ZFAND3: variants seen among roughly 807,000 people sequenced by gnomAD.
ZFAND3 encodes AN1-type zinc finger protein 3.
A neutral mutation model predicts 29.6 loss-of-function variants in ZFAND3; 10 were observed. The observed-to-expected ratio is 0.34, with a 90% CI of 0.21 to 0.57. ZFAND3 has a LOEUF of 0.57. Ranked by LOEUF, ZFAND3 falls within the 20% of genes least tolerant of loss-of-function variation. The pLI, the probability that ZFAND3 is intolerant of heterozygous loss-of-function variation, is 0.86. For synonymous variants in ZFAND3, 128 were observed against 112.6 expected, an observed-to-expected ratio of 1.14 and a Z score of -0.87; for missense variants, 230 against 304.5, an observed-to-expected ratio of 0.76 and a Z score of 1.82.
In ZFAND3 at chr6:38,001,912, C is replaced by G. The variant is rs149985379; in HGVS notation, c.113-59681C>G. Reference sequence around the variant, plus strand: ...TTATCTTTTCTTTTTGTCTTTTAGTCTTTTCTTTTAGTCTAAATATTGATA... The same window carrying G: ...TTATCTTTTCTTTTTGTCTTTTAGTGTTTTCTTTTAGTCTAAATATTGATA... On this transcript the variant is annotated intron_variant, in intron 2 of 5. Coordinates refer to ENST00000287218, the MANE Select transcript of ZFAND3 (RefSeq NM_021943.3). Among the ~76,000 whole-genome samples the G allele has an allele frequency of 1.3e-4, 19 of 151,858 alleles. No homozygotes were observed. In the East Asian group the frequency reaches 2.4e-3, roughly 19 times the overall value.
At chr6:38,047,314 CA>C (rs758026895) in intron 2 of ZFAND3, among the ~76,000 whole-genome samples, 258 of 111,498 alleles carry the variant, frequency 2.3e-3, no homozygotes, top group Non-Finnish European at 1.8e-3. Context: ...GACTCTGTCT[CA>C]AAAAAAAAAA....
At chr6:37,949,797 C>T (rs1242576777) in intron 2 of ZFAND3, among the ~76,000 whole-genome samples, 1 of 152,162 alleles carries the variant, frequency 6.6e-6, no homozygotes, top group Non-Finnish European at 1.5e-5. Context: ...ATGGGGTGCA[C>T]GACCCTCCCT....
At chr6:38,090,488 G>A (rs1466999243) in intron 4 of ZFAND3, among the ~76,000 whole-genome samples, 1 of 152,110 alleles carries the variant, frequency 6.6e-6, no homozygotes, top group African/African-American at 2.4e-5. Context: ...CCTGGGGCAG[G>A]GGACAAAAGG....
intron 1 of ZFAND3, among the ~76,000 whole-genome samples, chr6:37,919,112 C>T (rs1397534194): frequency 6.6e-6 from 1 of 152,040 alleles, no homozygotes; most frequent in Non-Finnish European, 1.5e-5. Context: ...CGCTACCACG[C>T]CCAGCTAATT....
chr6:37,828,773 C>T (rs1763804502), intron 1 of ZFAND3, among the ~76,000 whole-genome samples: 1 of 152,104 alleles, frequency 6.6e-6, no homozygotes, highest in Non-Finnish European at 1.5e-5. Flanking sequence ...GCCTCAGCCT[C>T]CCGAGTAGCT....
chr6:38,032,588 T>C (rs185793687), intron 2 of ZFAND3, among the ~76,000 whole-genome samples: 107 of 152,284 alleles, frequency 7.0e-4, no homozygotes, highest in African/African-American at 1.8e-3. Context: ...TTGGGAAAGG[T>C]AGAGGTCTAA....
At chr6:38,038,171 T>C (rs1763694686) in intron 2 of ZFAND3, among the ~76,000 whole-genome samples, 7 of 152,150 alleles carry the variant, frequency 4.6e-5, no homozygotes, top group Admixed American at 4.6e-4. Flanking sequence ...TCACATCTTC[T>C]CCTGTCCTTC....
intron 1 of ZFAND3, among the ~76,000 whole-genome samples, chr6:37,881,992 CT>C (rs1764905400): frequency 6.6e-6 from 1 of 152,106 alleles, no homozygotes; most frequent in African/African-American, 2.4e-5. Flanking sequence ...CAATTTTGTT[CT>C]TTTCACTTCT....
At chr6:37,972,821 A>T (rs1321917530) in intron 2 of ZFAND3, among the ~76,000 whole-genome samples, 1 of 151,820 alleles carries the variant, frequency 6.6e-6, no homozygotes, top group Non-Finnish European at 1.5e-5. Context: ...ATTAGAGTAG[A>T]TTTATTTATT....
chr6:38,104,205 CT>C (rs749642980), intron 4 of ZFAND3, among the ~76,000 whole-genome samples: 8 of 152,148 alleles, frequency 5.3e-5, no homozygotes, highest in Non-Finnish European at 1.0e-4. Flanking sequence ...GGAAATGGCA[CT>C]TAACAAACAG....
intron 2 of ZFAND3, 40 bp from the exon 3 acceptor site, chr6:38,061,553 G>A (rs1273579358): frequency 6.2e-7 from 1 of 1,610,194 alleles, no homozygotes; most frequent in Non-Finnish European, 8.5e-7. Flanking sequence ...CTCAGAGACT[G>A]TGAACTCCTT....
At position 38,152,367 on chromosome 6, in the gene ZFAND3, G is replaced by A. The variant is rs749426750; in HGVS notation, c.662G>A (p.Arg221His). The part of the protein sequence containing the change: ...LDRKVGRSCQ[R>H]IGEGCS The stretch of plus-strand genomic sequence containing the variant: ...CGGAAAGTGGGGCGCTCCTGCCAGC[G>A]CATCGGGGAGGGGTGCTCCTGAAGG... Residue 221 changes from arginine to histidine, a missense_variant, in exon 6 of 6, where the codon CGC (arginine) becomes CAC (histidine). Physicochemically the swap from Arg to His is conservative, Grantham distance 29. Around this residue, in one of 2 missense-constraint regions of ZFAND3, gnomAD observed 50 missense variants for 102.0 expected, o/e 0.49. Coordinates refer to ENST00000287218, the MANE Select transcript of ZFAND3 (RefSeq NM_021943.3). The A allele has an allele frequency of 6.3e-7, 1 of 1,599,268 alleles. No individual in the cohort carries two copies. The highest frequency in any genetic ancestry group is 8.5e-7 in the Non-Finnish European group (1 of 1,173,314).
intron 4 of ZFAND3, among the ~76,000 whole-genome samples, chr6:38,108,394 T>A (rs998868286): frequency 6.6e-6 from 1 of 152,138 alleles, no homozygotes; most frequent in Admixed American, 6.5e-5. Flanking sequence ...TTCCGTAAGC[T>A]GGGGAATAGA....
At chr6:37,888,528 T>A (rs1367490572) in intron 1 of ZFAND3, among the ~76,000 whole-genome samples, 1 of 152,236 alleles carries the variant, frequency 6.6e-6, no homozygotes, top group Non-Finnish European at 1.5e-5. Context: ...TGAAATTATA[T>A]ATGCATTGGC....
intron 5 of ZFAND3, among the ~76,000 whole-genome samples, chr6:38,141,734 G>A (rs1490307919): frequency 6.6e-6 from 1 of 152,184 alleles, no homozygotes; most frequent in African/African-American, 2.4e-5. Context: ...GTAAAAGCAA[G>A]TGGGGCAGAA....
chr6:37,864,653 A>G (rs768886077), intron 1 of ZFAND3, among the ~76,000 whole-genome samples: 77 of 152,044 alleles, frequency 5.1e-4, no homozygotes, highest in Non-Finnish European at 8.2e-4. Context: ...AAAAAAATAT[A>G]TGTATGTGTG....
rs550365148 is a variant in ZFAND3, at chr6:38,046,201, A to G, written c.113-15392A>G. Among the ~76,000 whole-genome samples, 10 of 152,320 alleles carry G rather than the reference A, an allele frequency of 6.6e-5. No homozygotes were observed. The South Asian group carries it at 2.1e-3, about 32-fold the overall frequency. On this transcript the variant is annotated intron_variant, in intron 2 of 5. Coordinates refer to ENST00000287218, the MANE Select transcript of ZFAND3 (RefSeq NM_021943.3). ...TTGCCTAAATGAGAAAAAAAATTATAAAGGATTTTTGATCTATAAGACTTC... is the reference window on the plus strand; with the variant it reads ...TTGCCTAAATGAGAAAAAAAATTATGAAGGATTTTTGATCTATAAGACTTC...
chr6:37,888,625 T>C (rs1703628674), intron 1 of ZFAND3, among the ~76,000 whole-genome samples: 1 of 152,180 alleles, frequency 6.6e-6, no homozygotes, highest in Non-Finnish European at 1.5e-5. Context: ...ATTTTCCAGA[T>C]CACATTAGTT....
At chr6:37,840,665 G>A (rs1282041410) in intron 1 of ZFAND3, among the ~76,000 whole-genome samples, 3 of 152,154 alleles carry the variant, frequency 2.0e-5, no homozygotes, top group Admixed American at 6.6e-5. Context: ...GATGAATTTG[G>A]GGAATGTCTC....
Sources: gnomAD v4.1 joint callset for allele counts (sites outside exome capture counted in the v4.1 genomes callset) on GRCh38, gnomAD v4.1.1 for gene constraint, gnomAD v4.1.1 regional missense constraint, MANE v1.5 for transcripts, NCBI Gene and HGNC (gene_info 2026-07-23, HGNC 2026-07-21) for gene names.